The following IL1RAPL2 variants were observed in gnomAD, a reference collection of about 807,000 sequenced individuals.
IL1RAPL2 encodes the protein interleukin 1 receptor accessory protein like 2, also known as X-linked interleukin-1 receptor accessory protein-like 2.
In IL1RAPL2, 3 loss-of-function variants were observed where a neutral mutation model predicts 44.1. The ratio of observed to expected loss-of-function variants is 0.07; its 90% confidence interval spans 0.03 to 0.18. IL1RAPL2 has a LOEUF of 0.18. Among genes scored for constraint, IL1RAPL2 ranks in the 10% least tolerant of loss-of-function variants. The probability of loss-of-function intolerance (pLI) is 1.00; values close to 1 mark genes in which losing one functional copy is unlikely to be tolerated. For synonymous variants in IL1RAPL2, 181 were observed against 178.8 expected (o/e 1.01, Z -0.10); for missense variants, 391 against 496.4 (o/e 0.79, Z 2.02).
At position 105,223,032 on chromosome X, in the gene IL1RAPL2, C is replaced by T. The variant is rs782450535; in HGVS notation, c.357-10786C>T. ...GGGCGTAATGGCGCACGCCTGTAGT[C>T]CCAGCTACTTGGGAGGCTGAGGCAC... On this transcript the variant is annotated intron_variant, in intron 3 of 10. Transcript: ENST00000372582. 6.3e-5 allele frequency among the ~76,000 whole-genome samples: 7 copies of T among 110,361 alleles called. 1 individual carries two copies. The Admixed American group carries it at 6.7e-4, about 11-fold the overall frequency.
chrX:105,003,890 C>T lies in IL1RAPL2; in HGVS notation c.83-191585C>T, dbSNP rs139105183. Among the ~76,000 whole-genome samples the T allele has an allele frequency of 5.9e-4, 66 of 111,433 alleles. 1 individual carries two copies. Among genetic ancestry groups the T allele is most frequent in the African/African-American group, 1.9e-3 (59 of 30,795 alleles). Reference sequence around the variant, plus strand: ...ACATTAAAGTAGCTAATGTTTATTGCGTGCTTGCTATGTGCCAGACATCAT... The same window carrying T: ...ACATTAAAGTAGCTAATGTTTATTGTGTGCTTGCTATGTGCCAGACATCAT... On this transcript the variant is annotated intron_variant, in intron 2 of 10. Coordinates refer to ENST00000372582, the MANE Select transcript of IL1RAPL2 (RefSeq NM_017416.2).
At chrX:105,316,753 A>G (rs752199266) in intron 5 of IL1RAPL2, among the ~76,000 whole-genome samples, 58 of 112,277 alleles carry the variant, frequency 5.2e-4, no homozygotes, top group Non-Finnish European at 8.8e-4. Context: ...GAGCTGTTAA[A>G]TCCAATTTTG....
At chrX:105,673,268 T>C (rs2037839998) in intron 6 of IL1RAPL2, among the ~76,000 whole-genome samples, 1 of 111,071 alleles carries the variant, frequency 9.0e-6, no homozygotes, top group African/African-American at 3.3e-5. Flanking sequence ...ACCCATCACC[T>C]AGGTATTAAG....
chrX:105,185,895 ATT>A (rs1366929638), intron 2 of IL1RAPL2, among the ~76,000 whole-genome samples: 3 of 112,144 alleles, frequency 2.7e-5, no homozygotes, highest in Non-Finnish European at 5.6e-5. Flanking sequence ...CAGGATGAGA[ATT>A]TATGGATTCA....
intron 2 of IL1RAPL2, among the ~76,000 whole-genome samples, chrX:104,899,044 A>T (rs1023213269): frequency 8.9e-6 from 1 of 112,099 alleles, no homozygotes; most frequent in Admixed American, 9.5e-5. Flanking sequence ...TGCTATTCCA[A>T]TTGCTTGTCA....
intron 1 of IL1RAPL2, among the ~76,000 whole-genome samples, chrX:104,573,589 G>A (rs1279016659): frequency 8.9e-6 from 1 of 112,148 alleles, no homozygotes; most frequent in African/African-American, 3.2e-5. Context: ...TAACATTACA[G>A]GAATCATCTT....
chrX:104,620,021 T>C (rs2148007378), intron 1 of IL1RAPL2, among the ~76,000 whole-genome samples: 1 of 110,656 alleles, frequency 9.0e-6, no homozygotes, highest in South Asian at 3.9e-4. Context: ...GCCCTGGAGA[T>C]GAGAGAGAAA....
At chrX:105,600,211 G>A (rs991059451) in intron 6 of IL1RAPL2, among the ~76,000 whole-genome samples, 10 of 110,403 alleles carry the variant, frequency 9.1e-5, no homozygotes, top group Admixed American at 8.7e-4. Context: ...TAGTCCCCCC[G>A]TTGATATTTA....
At chrX:105,565,239 T>C (rs946415666) in intron 6 of IL1RAPL2, among the ~76,000 whole-genome samples, 3 of 111,723 alleles carry the variant, frequency 2.7e-5, no homozygotes, top group Admixed American at 9.5e-5. Flanking sequence ...ATAGAAATCA[T>C]TGAAATTCTC....
chrX:105,731,739 T>A (rs972306697), intron 7 of IL1RAPL2, among the ~76,000 whole-genome samples: 158 of 110,838 alleles, frequency 1.4e-3, no homozygotes, highest in Middle Eastern at 4.6e-3. Context: ...GTAAAAAAAA[T>A]TGATTTCATG....
At chrX:105,399,664 T>TTAA (rs2035592404) in intron 5 of IL1RAPL2, among the ~76,000 whole-genome samples, 2 of 111,658 alleles carry the variant, frequency 1.8e-5, no homozygotes, top group Non-Finnish European at 3.8e-5. Context: ...GCCAGTCTAC[T>TTAA]TTTAAGGCCT....
At chrX:104,698,683 G>A (rs919508315) in intron 2 of IL1RAPL2, among the ~76,000 whole-genome samples, 1 of 111,841 alleles carries the variant, frequency 8.9e-6, no homozygotes, top group Non-Finnish European at 1.9e-5. Context: ...TTTAATGCCG[G>A]CTTTCATGAT....
chrX:105,727,926 A>T (rs761107979), intron 7 of IL1RAPL2, among the ~76,000 whole-genome samples: 1 of 111,522 alleles, frequency 9.0e-6, no homozygotes, highest in East Asian at 2.8e-4. Context: ...ATTGAGTGGA[A>T]AGTACAGAGT....
chrX:104,674,398 T>C (rs1359177184), intron 2 of IL1RAPL2, among the ~76,000 whole-genome samples: 4 of 111,931 alleles, frequency 3.6e-5, no homozygotes, highest in African/African-American at 1.3e-4. Context: ...TGCTAGATTA[T>C]TTATTGATTT....
chrX:105,234,625 A>G (rs1334644067), intron 4 of IL1RAPL2, among the ~76,000 whole-genome samples: 1 of 110,255 alleles, frequency 9.1e-6, no homozygotes, highest in Admixed American at 9.7e-5. Context: ...CCTGGCCAAT[A>G]TGGTGAAACC....
At chrX:105,091,210 C>G (rs746045209) in intron 2 of IL1RAPL2, among the ~76,000 whole-genome samples, 110 of 112,279 alleles carry the variant, frequency 9.8e-4, no homozygotes, top group African/African-American at 3.3e-3. Flanking sequence ...TCTTCTCCAA[C>G]TGGAGTGACC....
chrX:105,175,017 T>A (rs1304731256), intron 2 of IL1RAPL2, among the ~76,000 whole-genome samples: 2 of 111,903 alleles, frequency 1.8e-5, no homozygotes, highest in Non-Finnish European at 3.8e-5. Flanking sequence ...CTGTCTCAGT[T>A]TGCTCAAATT....
At chrX:105,018,447 A>G (rs2031225332) in intron 2 of IL1RAPL2, among the ~76,000 whole-genome samples, 2 of 111,391 alleles carry the variant, frequency 1.8e-5, no homozygotes, top group African/African-American at 6.5e-5. Flanking sequence ...CTTCCATAGC[A>G]ATTTACATAT....
chrX:104,954,179 A>G (rs1251330016), intron 2 of IL1RAPL2, among the ~76,000 whole-genome samples: 10 of 112,565 alleles, frequency 8.9e-5, no homozygotes, highest in Admixed American at 2.8e-4. Context: ...CTCCATAGAT[A>G]AAGCATATGT....
Sources: gnomAD v4.1 joint callset for allele counts (sites outside exome capture counted in the v4.1 genomes callset) on GRCh38, gnomAD v4.1.1 for gene constraint, MANE v1.5 for transcripts, NCBI Gene and HGNC (gene_info 2026-07-23, HGNC 2026-07-21) for gene names.